EXOC6: variants seen among roughly 807,000 people sequenced by gnomAD.
EXOC6 encodes the protein exocyst complex component 6.
In EXOC6, 60 loss-of-function variants were observed where a neutral mutation model predicts 112.5. The observed-to-expected ratio is 0.53, with a 90% CI of 0.43 to 0.66. The LOEUF (loss-of-function observed/expected upper bound fraction) is 0.66. Among genes scored for constraint, EXOC6 ranks in the 30% least tolerant of loss-of-function variants. The pLI is 0.00. For missense variants in EXOC6, 855 were observed against 957.1 expected (o/e 0.89, Z 1.41); for synonymous variants, 295 against 308.0 (o/e 0.96, Z 0.44).
chr10:92,913,824 A>C (rs1047794582), intron 6 of EXOC6, among the ~76,000 whole-genome samples: 1 of 152,166 alleles, frequency 6.6e-6, no homozygotes, highest in African/African-American at 2.4e-5. Flanking sequence ...GCCTAACATG[A>C]GTGGCACAAA....
In EXOC6 at chr10:92,928,383, GAAAC is replaced by G; in HGVS notation, c.936_939del (p.Ala314AspfsTer25). On this transcript the variant is annotated frameshift_variant, in exon 9 of 22. Coordinates refer to ENST00000260762, the MANE Select transcript of EXOC6 (RefSeq NM_019053.6). LOFTEE classifies it high-confidence loss of function. ...AAAACTATTATCGAAAACAAAGAAAGAAACAAGCAAGACTGGTATTGCAACCCCA... is the reference window on the plus strand; with the variant it reads ...AAAACTATTATCGAAAACAAAGAAAGAAGCAAGACTGGTATTGCAACCCCA... 1.9e-6 allele frequency: 3 copies of G among 1,610,442 alleles called. No homozygotes were observed. The highest frequency in any genetic ancestry group is 1.7e-5 in the Admixed American group (1 of 59,530).
chr10:92,839,791 A>G (rs1379789197), intron 1 of EXOC6, among the ~76,000 whole-genome samples: 1 of 148,026 alleles, frequency 6.8e-6, no homozygotes, highest in Non-Finnish European at 1.5e-5. Flanking sequence ...TGATAAAATC[A>G]TGGACACATT....
chr10:92,978,408 CA>C lies in EXOC6; in HGVS notation c.1953+4185del, dbSNP rs367780980. On this transcript the variant is annotated intron_variant, in intron 18 of 21. Transcript: ENST00000260762. ...TTGGGTGACAGAGTGAGACCTGTCT[CA>C]AAAAAAAACAAAAGAGAAAAATGGT... 3.4e-3 allele frequency among the ~76,000 whole-genome samples: 491 copies of C among 143,258 alleles called. 7 individuals are homozygous for C. The highest frequency in any genetic ancestry group is 0.012 in the African/African-American group (462 of 38,708). 94.0% of individuals were successfully genotyped at this position (143,258 alleles called of 152,430 possible).
chr10:93,039,332 G>A (rs1845661115), intron 20 of EXOC6, among the ~76,000 whole-genome samples: 1 of 152,062 alleles, frequency 6.6e-6, no homozygotes, highest in South Asian at 2.1e-4. Context: ...GAACCCATTT[G>A]TGTTTTCGTA....
intron 1 of EXOC6, among the ~76,000 whole-genome samples, chr10:92,857,028 G>A (rs904623222): frequency 1.3e-5 from 2 of 152,178 alleles, no homozygotes; most frequent in Admixed American, 1.3e-4. Context: ...CTTGTAGATA[G>A]CACATCATTG....
intron 20 of EXOC6, among the ~76,000 whole-genome samples, chr10:93,030,278 A>G (rs835267): frequency 0.64 from 96,098 of 151,288 alleles, 33,157 homozygotes; most frequent in East Asian, 0.99. Context: ...CCTGAGCTCA[A>G]GCAGTCTGCC....
chr10:92,882,508 C>T (rs915725159), intron 1 of EXOC6, among the ~76,000 whole-genome samples: 2 of 142,338 alleles, frequency 1.4e-5, no homozygotes, highest in African/African-American at 2.6e-5. Context: ...CGTGCCACTA[C>T]ACTCCAGCCT....
At chr10:93,049,794 G>T (rs1452976162) in intron 20 of EXOC6, among the ~76,000 whole-genome samples, 1 of 152,082 alleles carries the variant, frequency 6.6e-6, no homozygotes, top group Non-Finnish European at 1.5e-5. Flanking sequence ...GCCCAGGCTG[G>T]TCTCAAACTC....
At chr10:92,914,204 G>A (rs989789223) in intron 6 of EXOC6, among the ~76,000 whole-genome samples, 4 of 152,158 alleles carry the variant, frequency 2.6e-5, no homozygotes, top group African/African-American at 7.2e-5. Context: ...TGTGAACTGT[G>A]CATGCGGGGC....
chr10:92,858,022 TCC>T (rs370524059), intron 1 of EXOC6, among the ~76,000 whole-genome samples: 2 of 101,272 alleles, frequency 2.0e-5, no homozygotes, highest in Admixed American at 1.1e-4. Flanking sequence ...GTTGACGGGT[TCC>T]CCCCCTCCGC....
At chr10:92,893,560 A>G (rs753782586) in intron 2 of EXOC6, 40 bp downstream of exon 2, 7 of 1,518,626 alleles carry the variant, frequency 4.6e-6, no homozygotes, top group African/African-American at 1.4e-5. Flanking sequence ...TGTTCTCATT[A>G]AATTACTCAA....
intron 1 of EXOC6, among the ~76,000 whole-genome samples, chr10:92,827,649 A>G (rs1212649898): frequency 4.6e-5 from 7 of 152,112 alleles, no homozygotes; most frequent in African/African-American, 1.7e-4. Flanking sequence ...TGTGGCAAAG[A>G]AAAAGCTGCT....
intron 6 of EXOC6, among the ~76,000 whole-genome samples, chr10:92,915,368 C>G (rs1268871165): frequency 6.6e-6 from 1 of 150,510 alleles, no homozygotes; most frequent in African/African-American, 2.4e-5. Flanking sequence ...TGGCAAAACC[C>G]CATTTTACAA....
chr10:92,846,864 T>C (rs1589686144), upstream of EXOC6, among the ~76,000 whole-genome samples: 1 of 152,202 alleles, frequency 6.6e-6, no homozygotes, highest in African/African-American at 2.4e-5. Flanking sequence ...GATTAAATGG[T>C]TGGGTCCACT....
At chr10:93,036,531 G>GT (rs1479019042) in intron 20 of EXOC6, among the ~76,000 whole-genome samples, 2 of 151,980 alleles carry the variant, frequency 1.3e-5, no homozygotes, top group African/African-American at 4.8e-5. Context: ...GGATTCTTTA[G>GT]TTTTGTCTAT....
intron 20 of EXOC6, among the ~76,000 whole-genome samples, chr10:93,045,908 G>A (rs2486681): frequency 0.57 from 86,269 of 152,120 alleles, 27,421 homozygotes; most frequent in East Asian, 0.92. Context: ...ATTTTAGTAC[G>A]TCCTATGGCA....
chr10:92,958,396 T>A (rs1853808441), intron 17 of EXOC6, among the ~76,000 whole-genome samples: 1 of 152,240 alleles, frequency 6.6e-6, no homozygotes, highest in Admixed American at 6.5e-5. Flanking sequence ...AGCCTGCTAC[T>A]CTGAAGAGTT....
intron 20 of EXOC6, among the ~76,000 whole-genome samples, chr10:93,026,871 C>T (rs1448137237): frequency 6.6e-6 from 1 of 152,152 alleles, no homozygotes; most frequent in Non-Finnish European, 1.5e-5. Flanking sequence ...AATTAATAAT[C>T]CTACAGTGGC....
rs184532203 is a variant in EXOC6 at position 92,917,024 on chromosome 10, C to T, written c.819+1111C>T. On this transcript the variant is annotated intron_variant, in intron 7 of 21. Coordinates refer to ENST00000260762, the MANE Select transcript of EXOC6 (RefSeq NM_019053.6). ...TGTCGCCCAGGCTGGAGTGCAGTGG[C>T]GCTATCTTGGCTCACTGCAACCTCT... Among the ~76,000 whole-genome samples, 780 of 149,806 alleles carry T rather than the reference C, an allele frequency of 5.2e-3. 6 individuals carry two copies. The highest frequency in any genetic ancestry group is 0.016 in the African/African-American group (635 of 40,682).
Sources: gnomAD v4.1 joint callset for allele counts (sites outside exome capture counted in the v4.1 genomes callset) on GRCh38, gnomAD v4.1.1 for gene constraint, MANE v1.5 for transcripts, NCBI Gene and HGNC (gene_info 2026-07-23, HGNC 2026-07-21) for gene names.